Variants in FBXO8 observed in about 807,000 individuals in gnomAD.
FBXO8 encodes the protein F-box only protein 8.
A neutral mutation model predicts 33.4 loss-of-function variants in FBXO8; 15 were observed. The observed-to-expected ratio is 0.45, with a 90% CI of 0.30 to 0.69. The LOEUF (loss-of-function observed/expected upper bound fraction) is 0.69. Ranked by LOEUF, FBXO8 falls within the 30% of genes least tolerant of loss-of-function variation. FBXO8 has a pLI of 0.08. For synonymous variants in FBXO8, 132 were observed against 131.5 expected (o/e 1.00, Z -0.02); for missense variants, 274 against 380.3 (o/e 0.72, Z 2.32).
rs1161438705 is a variant in FBXO8 at position 174,275,054 on chromosome 4, G to C, written c.-9+8356C>G. 1.3e-5 allele frequency among the ~76,000 whole-genome samples: 2 copies of C among 152,022 alleles called. No homozygotes were observed. The highest frequency in any genetic ancestry group is 2.4e-5 in the African/African-American group (1 of 41,400). On this transcript the variant is annotated intron_variant, in intron 1 of 5. Coordinates refer to ENST00000393674, the MANE Select transcript of FBXO8 (RefSeq NM_012180.3). The surrounding 1 kb of genome is among the most constrained non-coding windows in gnomAD (Gnocchi z 4.4). ...AATATTTGTAAACCACATATCTGAC[G>C]GACGAGTATCTAGAATATATAAACA...
rs1419196118 is a variant in FBXO8 at position 174,261,824 on chromosome 4, TTAG to T, written c.329+937_329+939del. Among the ~76,000 whole-genome samples the T allele has an allele frequency of 6.6e-6, 1 of 152,058 alleles. No homozygotes were observed. Among genetic ancestry groups the T allele is most frequent in the African/African-American group, 2.4e-5 (1 of 41,446 alleles). ...GTTTGTAATTTATTAAGTCTCTCAATTAGATTTCTAGTTTGAAATTATAGGAAG... is the reference window on the plus strand; with the variant it reads ...GTTTGTAATTTATTAAGTCTCTCAATATTTCTAGTTTGAAATTATAGGAAG... On this transcript the variant is annotated intron_variant, in intron 2 of 5. Coordinates refer to ENST00000393674, the MANE Select transcript of FBXO8 (RefSeq NM_012180.3). This position sits in a 1 kb window ranked among gnomAD's most constrained non-coding sequence, Gnocchi z 4.1.
At position 174,257,741 on chromosome 4, in the gene FBXO8, A is replaced by G. The variant is rs570601365; in HGVS notation, c.456+1958T>C. Among the ~76,000 whole-genome samples, 2 of 152,246 alleles carry G rather than the reference A, an allele frequency of 1.3e-5. No homozygotes were observed. Among genetic ancestry groups the G allele is most frequent in the African/African-American group, 4.8e-5 (2 of 41,552 alleles). ...TTGCACTCTTGACCTCTGGGGCTAC[A>G]TATCTTTATTATGATTATGATTATT... On this transcript the variant is annotated intron_variant, in intron 3 of 5. Coordinates refer to ENST00000393674, the MANE Select transcript of FBXO8 (RefSeq NM_012180.3). The surrounding 1 kb of genome is among the most constrained non-coding windows in gnomAD (Gnocchi z 4.3).
In FBXO8 at chr4:174,247,686, T is replaced by G. The variant is rs182053468; in HGVS notation, c.457-6468A>C. Among the ~76,000 whole-genome samples, 2 of 152,176 alleles carry G rather than the reference T, an allele frequency of 1.3e-5. No homozygotes were observed. The highest frequency in any genetic ancestry group is 3.9e-4 in the East Asian group (2 of 5,178). On this transcript the variant is annotated intron_variant, in intron 3 of 5. Transcript: ENST00000393674. The surrounding 1 kb of genome is among the most constrained non-coding windows in gnomAD (Gnocchi z 4.6). ...GCACAATGAAACTTAAACTGAAATG[T>G]AACATTTTCAAACTGAAGATAATGT...
chr4:174,245,236 A>G lies in FBXO8; in HGVS notation c.457-4018T>C, dbSNP rs1204506628. Among the ~76,000 whole-genome samples the G allele has an allele frequency of 6.6e-6, 1 of 151,808 alleles. No individual in the cohort carries two copies. Among genetic ancestry groups the G allele is most frequent in the African/African-American group, 2.4e-5 (1 of 41,392 alleles). ...AGGTACATCAATAATACATGGCAGT[A>G]GAAGAAAACCTAAATGAATGCTTAT... On this transcript the variant is annotated intron_variant, in intron 3 of 5. Transcript: ENST00000393674. This position sits in a 1 kb window ranked among gnomAD's most constrained non-coding sequence, Gnocchi z 4.6.
At position 174,283,653 on chromosome 4, in the gene FBXO8, A is replaced by T. The variant is rs988143396; in HGVS notation, c.-252T>A. 1 of 380,742 alleles carries T rather than the reference A, an allele frequency of 2.6e-6. No individual in the cohort carries two copies. Among genetic ancestry groups the T allele is most frequent in the African/African-American group, 2.1e-5 (1 of 48,268 alleles). The allele number at this position is 380,742 out of a possible 1,614,324, so 23.6% of individuals were successfully genotyped here. A position where few individuals can be genotyped will look rare whatever the true frequency, so the allele number is the denominator to read the frequency against. ...AGAACTGCCGACTATCCCAATTTTG[A>T]CGTTTCCTATTGTTGCCGGAAGTGA... is the stretch of plus-strand genomic sequence containing the variant. On this transcript the variant is annotated 5_prime_UTR_variant, in exon 1 of 6. Coordinates refer to ENST00000393674, the MANE Select transcript of FBXO8 (RefSeq NM_012180.3). This position sits in a 1 kb window ranked among gnomAD's most constrained non-coding sequence, Gnocchi z 6.7.
Position 174,253,468 on chromosome 4 carries a change from A to G in FBXO8, c.456+6231T>C, listed in dbSNP as rs149300524. 3.5e-3 allele frequency among the ~76,000 whole-genome samples: 537 copies of G among 152,300 alleles called. 2 individuals carry two copies. The highest frequency in any genetic ancestry group is 0.014 in the Middle Eastern group (4 of 294). On this transcript the variant is annotated intron_variant, in intron 3 of 5. Transcript: ENST00000393674. This position sits in a 1 kb window ranked among gnomAD's most constrained non-coding sequence, Gnocchi z 4.5. ...GGCAAGAAGGTAGGGTCAGCTACCA[A>G]CCAAATTGTTGTGCCACAGGTGCCA...
rs868163039 is a variant in FBXO8, at chr4:174,253,386, G to A, written c.456+6313C>T. Among the ~76,000 whole-genome samples, 25 of 152,036 alleles carry A rather than the reference G, an allele frequency of 1.6e-4. No individual in the cohort carries two copies. The highest frequency in any genetic ancestry group is 1.2e-4 in the African/African-American group (5 of 41,448). Reference sequence around the variant, plus strand: ...GCATAACCACCTCCCCTCCTATCCCGTCTTCCTCCCTTTTAAAATTTTGAT... The same window carrying A: ...GCATAACCACCTCCCCTCCTATCCCATCTTCCTCCCTTTTAAAATTTTGAT... On this transcript the variant is annotated intron_variant, in intron 3 of 5. Transcript: ENST00000393674. The surrounding 1 kb of genome is among the most constrained non-coding windows in gnomAD (Gnocchi z 4.5).
At position 174,267,971 on chromosome 4, in the gene FBXO8, T is replaced by C. The variant is rs1419528442; in HGVS notation, c.-8-4871A>G. ...TTTTGTGATGAAACTACAGCTTTAT[T>C]TGTTCACTCAAAATAGGTGGAGAAA... On this transcript the variant is annotated intron_variant, in intron 1 of 5. Transcript: ENST00000393674. This position sits in a 1 kb window ranked among gnomAD's most constrained non-coding sequence, Gnocchi z 4.7. Among the ~76,000 whole-genome samples the C allele has an allele frequency of 6.6e-6, 1 of 152,232 alleles. No individual in the cohort carries two copies. The highest frequency in any genetic ancestry group is 1.9e-4 in the East Asian group (1 of 5,206).
rs1165020846 is a variant in FBXO8, at chr4:174,255,793, T to A, written c.456+3906A>T. On this transcript the variant is annotated intron_variant, in intron 3 of 5. Transcript: ENST00000393674. The surrounding 1 kb of genome is among the most constrained non-coding windows in gnomAD (Gnocchi z 4.3). ...AGCACAAGTAATATAGTTTACTGGT[T>A]GTTAAATAAAATTACTTCATTATAC... 1.3e-5 allele frequency among the ~76,000 whole-genome samples: 2 copies of A among 152,218 alleles called. No individual in the cohort carries two copies. Among genetic ancestry groups the A allele is most frequent in the African/African-American group, 4.8e-5 (2 of 41,466 alleles).
Position 174,263,049 on chromosome 4 carries a change from T to G in FBXO8, c.44A>C (p.Gln15Pro). The change falls in exon 2 of 6, where the codon CAA becomes CCA. Residue 15 changes from glutamine to proline, a missense_variant. Gln to Pro is a moderately conservative substitution (Grantham distance 76). Coordinates refer to ENST00000393674, the MANE Select transcript of FBXO8 (RefSeq NM_012180.3). This position sits in a 1 kb window ranked among gnomAD's most constrained non-coding sequence, Gnocchi z 4.2. ...LWRVVRNQQLQQEGYSEQGYL... is the reference protein window; with the variant it reads ...LWRVVRNQQLPQEGYSEQGYL... The stretch of plus-strand genomic sequence containing the variant: ...GCCTTGCTCACTGTAGCCTTCTTGT[T>G]GCAGCTGCTGGTTTCTGACCACTCT... 1 of 1,613,952 alleles carries G rather than the reference T, an allele frequency of 6.2e-7. No homozygotes were observed. Among genetic ancestry groups the G allele is most frequent in the Non-Finnish European group, 8.5e-7 (1 of 1,179,918 alleles).
intron 1 of FBXO8, among the ~76,000 whole-genome samples, chr4:174,273,144 G>A (rs1041137981): frequency 4.6e-5 from 7 of 151,804 alleles, no homozygotes; most frequent in Non-Finnish European, 1.0e-4. Context: ...AAAATTAGAT[G>A]AGTGTGGTGG....
Position 174,238,978 on chromosome 4 carries a change from AT to A in FBXO8, c.772+15del. The stretch of plus-strand genomic sequence containing the variant: ...ATGGGCAGGGGGTGATGTACTATTA[AT>A]ATATATATTCTTACCAGGACTAAGG... On this transcript the variant is annotated intron_variant, in intron 5 of 5. Transcript: ENST00000393674. 1 of 1,440,182 alleles carries A rather than the reference AT, an allele frequency of 6.9e-7. No individual in the cohort carries two copies. The allele number at this position is 1,440,182 out of a possible 1,614,324, so 89.2% of individuals were successfully genotyped here.
chr4:174,263,054 C>A lies in FBXO8; in HGVS notation c.39G>T (p.Gln13His). 1 of 1,613,926 alleles carries A rather than the reference C, an allele frequency of 6.2e-7. No individual in the cohort carries two copies. Among genetic ancestry groups the A allele is most frequent in the Admixed American group, 1.7e-5 (1 of 59,926 alleles). The part of the protein sequence containing the change: ...QGLWRVVRNQ[Q>H]LQQEGYSEQG... ...GCTCACTGTAGCCTTCTTGTTGCAGCTGCTGGTTTCTGACCACTCTCCACA... is the reference window on the plus strand; with the variant it reads ...GCTCACTGTAGCCTTCTTGTTGCAGATGCTGGTTTCTGACCACTCTCCACA... Residue 13 changes from glutamine to histidine, a missense_variant, in exon 2 of 6, where the codon CAG becomes CAT. Gln to His is a conservative substitution (Grantham distance 24). This residue lies in a region of FBXO8 where 88 missense variants were observed against 86.9 expected (regional missense o/e 1.01). Coordinates refer to ENST00000393674, the MANE Select transcript of FBXO8 (RefSeq NM_012180.3). The surrounding 1 kb of genome is among the most constrained non-coding windows in gnomAD (Gnocchi z 4.2).
Position 174,259,628 on chromosome 4 carries a change from A to G in FBXO8, c.456+71T>C. The G allele has an allele frequency of 3.2e-6, 5 of 1,539,686 alleles. No homozygotes were observed. The highest frequency in any genetic ancestry group is 4.4e-6 in the Non-Finnish European group (5 of 1,145,408). On this transcript the variant is annotated intron_variant, in intron 3 of 5. Transcript: ENST00000393674. This position sits in a 1 kb window ranked among gnomAD's most constrained non-coding sequence, Gnocchi z 4.3. ...GACTTTTTGTTTTCCCTGCTAGTTT[A>G]TGATATTGGAAAGCTGCAGCAAGAT...
intron 3 of FBXO8, among the ~76,000 whole-genome samples, chr4:174,242,018 G>A (rs958459921): frequency 2.6e-5 from 4 of 151,394 alleles, no homozygotes; most frequent in Non-Finnish European, 4.4e-5. Flanking sequence ...ATATACAGAG[G>A]TTACATTCAA....
chr4:174,269,335 G>C (rs1470545579), intron 1 of FBXO8, among the ~76,000 whole-genome samples: 1 of 151,988 alleles, frequency 6.6e-6, no homozygotes, highest in Middle Eastern at 3.4e-3. Flanking sequence ...AAAAAAAATG[G>C]GGGAAAAAAC....
Position 174,237,614 on chromosome 4 carries a change from A to G in FBXO8, c.773-15T>C. 2 of 1,578,636 alleles carry G rather than the reference A, an allele frequency of 1.3e-6. No homozygotes were observed. The highest frequency in any genetic ancestry group is 1.7e-6 in the Non-Finnish European group (2 of 1,157,610). Reference sequence around the variant, plus strand: ...ATAGACAGCATCTGGAAAGAAAAAGAAACAGTTCAAATTATTAGTTGGTTT... The same window carrying G: ...ATAGACAGCATCTGGAAAGAAAAAGGAACAGTTCAAATTATTAGTTGGTTT... On this transcript the variant is annotated splice_polypyrimidine_tract_variant and intron_variant, in intron 5 of 5. Coordinates refer to ENST00000393674, the MANE Select transcript of FBXO8 (RefSeq NM_012180.3). This position sits in a 1 kb window ranked among gnomAD's most constrained non-coding sequence, Gnocchi z 4.4.
In FBXO8 at chr4:174,257,284, T is replaced by C. The variant is rs1184853127; in HGVS notation, c.456+2415A>G. On this transcript the variant is annotated intron_variant, in intron 3 of 5. Coordinates refer to ENST00000393674, the MANE Select transcript of FBXO8 (RefSeq NM_012180.3). The surrounding 1 kb of genome is among the most constrained non-coding windows in gnomAD (Gnocchi z 4.3). ...TATTTTCATCTTTGTGTAAAAATGA[T>C]TGCTTTATAATTTGTTTAAAAATTG... Among the ~76,000 whole-genome samples, 1 of 152,176 alleles carries C rather than the reference T, an allele frequency of 6.6e-6. No homozygotes were observed. Among genetic ancestry groups the C allele is most frequent in the Admixed American group, 6.6e-5 (1 of 15,262 alleles).
chr4:174,282,090 C>A (rs1184934627), intron 1 of FBXO8, among the ~76,000 whole-genome samples: 1 of 152,134 alleles, frequency 6.6e-6, no homozygotes, highest in Non-Finnish European at 1.5e-5. Flanking sequence ...AATTTCAACA[C>A]ACTGTGATTA....
Sources: allele counts gnomAD v4.1 joint callset (sites outside exome capture counted in the v4.1 genomes callset), GRCh38; gene constraint gnomAD v4.1.1; regional missense constraint gnomAD v4.1.1; non-coding constraint Gnocchi (gnomAD v3.1); transcripts MANE v1.5; gene names NCBI Gene and HGNC (gene_info 2026-07-23, HGNC 2026-07-21).